Variants in ARHGEF4 observed in about 807,000 individuals in gnomAD.
ARHGEF4 encodes APC-stimulated guanine nucleotide exchange factor 1.
A neutral mutation model predicts 162.0 loss-of-function variants in ARHGEF4; 119 were observed. The ratio of observed to expected loss-of-function variants is 0.73; its 90% CI spans 0.63 to 0.86. The LOEUF (loss-of-function observed/expected upper bound fraction) is 0.86. ARHGEF4 is among the 40% of genes least tolerant of loss of function. ARHGEF4 has a pLI of 0.00. For missense variants in ARHGEF4, 2,488 were observed against 2,456.0 expected (o/e 1.01, Z -0.28); for synonymous variants, 1,014 against 979.9 (o/e 1.03, Z -0.65).
intron 1 of ARHGEF4, among the ~76,000 whole-genome samples, chr2:130,864,013 T>C (rs1420528375): frequency 7.2e-6 from 1 of 138,460 alleles, no homozygotes; most frequent in Non-Finnish European, 1.6e-5. Context: ...TGAAACCCCG[T>C]CTCTACTAAA....
At chr2:130,924,053 T>C (rs938854724) in intron 2 of ARHGEF4, among the ~76,000 whole-genome samples, 1 of 150,926 alleles carries the variant, frequency 6.6e-6, no homozygotes, top group Non-Finnish European at 1.5e-5. Context: ...GCTAATTTTT[T>C]TGTGCTTTTA....
At chr2:130,989,691 T>C (rs1472161079) in intron 4 of ARHGEF4, among the ~76,000 whole-genome samples, 1 of 152,218 alleles carries the variant, frequency 6.6e-6, no homozygotes, top group Non-Finnish European at 1.5e-5. Flanking sequence ...GATCACCCTG[T>C]AGCCTCCCTT....
At chr2:130,959,664 A>G (rs1335804262) in intron 4 of ARHGEF4, among the ~76,000 whole-genome samples, 2 of 152,202 alleles carry the variant, frequency 1.3e-5, no homozygotes, top group African/African-American at 4.8e-5. Flanking sequence ...CCTCACAATA[A>G]TCCTGCAAAA....
rs184364842 is a variant in ARHGEF4 at position 130,907,863 on chromosome 2, G to A, written c.40-6123G>A. 2.1e-3 allele frequency among the ~76,000 whole-genome samples: 326 copies of A among 151,888 alleles called. 1 individual carries two copies. The highest frequency in any genetic ancestry group is 3.9e-3 in the Non-Finnish European group (264 of 67,972). Reference sequence around the variant, plus strand: ...CCCAGCTACTCGGGAGGCTGAGGCAGGAGAATTGCTTGAAACTGGGAGGGC... The same window carrying A: ...CCCAGCTACTCGGGAGGCTGAGGCAAGAGAATTGCTTGAAACTGGGAGGGC... On this transcript the variant is annotated intron_variant, in intron 1 of 13. Transcript: ENST00000409359.
chr2:130,989,071 C>G (rs1686764480), intron 4 of ARHGEF4, among the ~76,000 whole-genome samples: 1 of 152,040 alleles, frequency 6.6e-6, no homozygotes, highest in Non-Finnish European at 1.5e-5. Context: ...AAGTGATTCT[C>G]CTGCCTTAGC....
intron 1 of ARHGEF4, among the ~76,000 whole-genome samples, chr2:130,907,989 G>A (rs1329988828): frequency 6.6e-5 from 10 of 151,908 alleles, no homozygotes; most frequent in East Asian, 3.9e-4. Context: ...ACTGGCTTTC[G>A]TGTGAGTATA....
intron 1 of ARHGEF4, among the ~76,000 whole-genome samples, chr2:130,880,902 G>T (rs1186753815): frequency 6.6e-6 from 1 of 151,944 alleles, no homozygotes; most frequent in Non-Finnish European, 1.5e-5. Flanking sequence ...CATAATATGA[G>T]CAGCGTGGTT....
chr2:130,855,165 G>A lies in ARHGEF4; in HGVS notation c.39+18173G>A, dbSNP rs563364323. On this transcript the variant is annotated intron_variant, in intron 1 of 13. Coordinates refer to ENST00000409359, the MANE Select transcript of ARHGEF4 (RefSeq NM_001367493.1). ...GCTGGGATTACAGACGTGAGCTACC[G>A]CGCCCGGCCGGAGGAGTCTTTTTAC... Among the ~76,000 whole-genome samples the A allele has an allele frequency of 1.6e-4, 24 of 152,022 alleles. No homozygotes were observed. In the South Asian group the frequency reaches 4.8e-3, roughly 30 times the overall value.
intron 3 of ARHGEF4, among the ~76,000 whole-genome samples, chr2:130,933,915 A>G (rs1186329625): frequency 1.3e-5 from 2 of 152,124 alleles, no homozygotes; most frequent in African/African-American, 4.8e-5. Flanking sequence ...GATGCCTTTG[A>G]TTTCTCTTTT....
Position 130,916,744 on chromosome 2 carries a change from G to A in ARHGEF4, c.2798G>A (p.Arg933His), listed in dbSNP as rs1488296711. ...CTAGAGAAAGAGAACACCCATGAACGTTCCCCAAGTTCTCCCAAGGGCGAG... is the reference window on the plus strand; with the variant it reads ...CTAGAGAAAGAGAACACCCATGAACATTCCCCAAGTTCTCCCAAGGGCGAG... ...IVLEKENTHERSPSSPKGEKE... is the reference protein window; with the variant it reads ...IVLEKENTHEHSPSSPKGEKE... The change falls in exon 2 of 14, where the codon CGT becomes CAT. Residue 933 changes from arginine to histidine, a missense_variant. Arg to His is a conservative substitution (Grantham distance 29, BLOSUM62 0). Coordinates refer to ENST00000409359, the MANE Select transcript of ARHGEF4 (RefSeq NM_001367493.1). 6.4e-7 allele frequency: 1 copy of A among 1,550,662 alleles called. No individual in the cohort carries two copies. Among genetic ancestry groups the A allele is most frequent in the Non-Finnish European group, 8.7e-7 (1 of 1,147,050 alleles).
chr2:130,899,005 G>A (rs539236400), intron 1 of ARHGEF4, among the ~76,000 whole-genome samples: 1 of 152,246 alleles, frequency 6.6e-6, no homozygotes, highest in Non-Finnish European at 1.5e-5. Flanking sequence ...TGTAGCATCA[G>A]TTGTGCATGT....
At chr2:131,011,331 C>T (rs1325901317) in intron 4 of ARHGEF4, among the ~76,000 whole-genome samples, 1 of 152,172 alleles carries the variant, frequency 6.6e-6, no homozygotes, top group Non-Finnish European at 1.5e-5. Flanking sequence ...AAGCCCATGC[C>T]TAGGAATTTT....
chr2:130,867,506 G>C (rs1251528882), intron 1 of ARHGEF4, among the ~76,000 whole-genome samples: 1 of 152,022 alleles, frequency 6.6e-6, no homozygotes, highest in Non-Finnish European at 1.5e-5. Context: ...AAAGTGCTGG[G>C]ATTACAGATG....
At chr2:130,946,769 C>T in intron 4 of ARHGEF4, 134 bp downstream of exon 4, 1 of 1,312,264 alleles carries the variant, frequency 7.6e-7, no homozygotes, top group Non-Finnish European at 1.0e-6. Context: ...AACAATTGTC[C>T]TCTTCCTTCA....
At chr2:130,989,482 C>T (rs1458239435) in intron 4 of ARHGEF4, among the ~76,000 whole-genome samples, 1 of 152,160 alleles carries the variant, frequency 6.6e-6, no homozygotes, top group East Asian at 1.9e-4. Context: ...AAATAACATA[C>T]CTTACAAAAC....
chr2:130,847,031 AG>A (rs1681028901), intron 1 of ARHGEF4, among the ~76,000 whole-genome samples: 2 of 152,128 alleles, frequency 1.3e-5, no homozygotes, highest in Non-Finnish European at 2.9e-5. Flanking sequence ...GCAGGTCTTT[AG>A]GGAAAGCCTG....
At chr2:130,984,738 A>G (rs1474352054) in intron 4 of ARHGEF4, among the ~76,000 whole-genome samples, 2 of 151,812 alleles carry the variant, frequency 1.3e-5, no homozygotes, top group Non-Finnish European at 2.9e-5. Flanking sequence ...TCCCATGACT[A>G]TATCAGACAC....
chr2:130,962,987 C>CT (rs556768005), intron 4 of ARHGEF4, among the ~76,000 whole-genome samples: 8 of 152,116 alleles, frequency 5.3e-5, no homozygotes, highest in Non-Finnish European at 8.8e-5. Context: ...TGGGTGGACT[C>CT]TAAGAACCTA....
At chr2:131,040,895 G>C (rs1426410979) in intron 8 of ARHGEF4, among the ~76,000 whole-genome samples, 1 of 152,148 alleles carries the variant, frequency 6.6e-6, no homozygotes, top group Non-Finnish European at 1.5e-5. Flanking sequence ...GCCCTCTTGG[G>C]CAGTCGAGCG....
Sources: gnomAD v4.1 joint callset for allele counts (sites outside exome capture counted in the v4.1 genomes callset) on GRCh38, gnomAD v4.1.1 for gene constraint, MANE v1.5 for transcripts, NCBI Gene and HGNC (gene_info 2026-07-23, HGNC 2026-07-21) for gene names.